Variants in CDH4 observed in about 807,000 individuals in gnomAD.
The protein encoded by CDH4 is cadherin 4.
CDH4 carries 33 observed loss-of-function variants against 86.0 expected under a neutral mutation model. The observed-to-expected ratio is 0.38, with a 90% CI of 0.29 to 0.51. The LOEUF (loss-of-function observed/expected upper bound fraction) is 0.51. Ranked by LOEUF, CDH4 falls within the 20% of genes least tolerant of loss-of-function variation. The pLI is 0.86. For missense variants in CDH4, 1,114 were observed against 1,307.4 expected (o/e 0.85, Z 2.28); for synonymous variants, 555 against 549.4 (o/e 1.01, Z -0.14).
chr20:61,613,600 A>G (rs1600807693), intron 2 of CDH4, among the ~76,000 whole-genome samples: 1 of 151,916 alleles, frequency 6.6e-6, no homozygotes, highest in South Asian at 2.1e-4. Flanking sequence ...TCAAAAGAAA[A>G]AAAAAAAAAA....
At chr20:61,775,388 A>G (rs1443191773) in intron 4 of CDH4, among the ~76,000 whole-genome samples, 1 of 151,694 alleles carries the variant, frequency 6.6e-6, no homozygotes, top group Non-Finnish European at 1.5e-5. Flanking sequence ...TGCCACCCCC[A>G]CATTGCCCCT....
intron 7 of CDH4, among the ~76,000 whole-genome samples, chr20:61,880,809 C>T (rs1984242444): frequency 1.3e-5 from 2 of 152,232 alleles, no homozygotes; most frequent in East Asian, 1.9e-4. Flanking sequence ...CGTGAGCTGG[C>T]GCCCACCACT....
intron 2 of CDH4, among the ~76,000 whole-genome samples, chr20:61,283,797 C>T (rs1477937413): frequency 1.3e-5 from 2 of 152,030 alleles, no homozygotes; most frequent in Non-Finnish European, 1.5e-5. Context: ...TGTTACGTGG[C>T]CCTGGATCCA....
chr20:61,382,658 G>A (rs1326420875), intron 2 of CDH4, among the ~76,000 whole-genome samples: 1 of 152,166 alleles, frequency 6.6e-6, no homozygotes, highest in Non-Finnish European at 1.5e-5. Flanking sequence ...GAAGCTTCCG[G>A]GGAGGCCCCT....
At chr20:61,677,344 G>T (rs549699979) in intron 2 of CDH4, among the ~76,000 whole-genome samples, 31 of 152,328 alleles carry the variant, frequency 2.0e-4, no homozygotes, top group African/African-American at 6.3e-4. Context: ...GGCAGCAAAC[G>T]TGCTCAACCC....
At chr20:61,404,735 T>C (rs1198984856) in intron 2 of CDH4, among the ~76,000 whole-genome samples, 1 of 152,096 alleles carries the variant, frequency 6.6e-6, no homozygotes, top group Admixed American at 6.5e-5. Context: ...TTTTTCTTTT[T>C]TTCCTAGGGA....
chr20:61,442,848 C>A (rs1316864050), intron 2 of CDH4, among the ~76,000 whole-genome samples: 3 of 152,236 alleles, frequency 2.0e-5, no homozygotes, highest in Non-Finnish European at 2.9e-5. Flanking sequence ...TTTCTGCAGT[C>A]CCCCGGCCTT....
chr20:61,868,995 C>T (rs1983677837), intron 6 of CDH4, among the ~76,000 whole-genome samples: 1 of 152,122 alleles, frequency 6.6e-6, no homozygotes, highest in Admixed American at 6.5e-5. Flanking sequence ...GGTGGACACA[C>T]ACAAAGCCTC....
chr20:61,461,079 T>C (rs1339070588), intron 2 of CDH4, among the ~76,000 whole-genome samples: 1 of 152,190 alleles, frequency 6.6e-6, no homozygotes, highest in Non-Finnish European at 1.5e-5. Context: ...TGGTTGCATT[T>C]GTAGAAACAC....
intron 2 of CDH4, among the ~76,000 whole-genome samples, chr20:61,442,966 T>G (rs924652220): frequency 2.6e-5 from 4 of 152,176 alleles, no homozygotes; most frequent in African/African-American, 9.7e-5. Context: ...GACCCCTAGG[T>G]GCACCCCTTC....
chr20:61,563,592 G>A (rs184096011), intron 2 of CDH4, among the ~76,000 whole-genome samples: 56 of 152,304 alleles, frequency 3.7e-4, no homozygotes, highest in Admixed American at 2.9e-3. Context: ...TCCACTACCC[G>A]TGGAGTCCAG....
At chr20:61,670,827 G>C (rs967823182) in intron 2 of CDH4, among the ~76,000 whole-genome samples, 11 of 152,196 alleles carry the variant, frequency 7.2e-5, no homozygotes, top group African/African-American at 2.7e-4. Flanking sequence ...TAGAAAGGAA[G>C]GAAGGGGCTG....
At chr20:61,677,173 C>G (rs1488610776) in intron 2 of CDH4, among the ~76,000 whole-genome samples, 1 of 152,106 alleles carries the variant, frequency 6.6e-6, no homozygotes, top group African/African-American at 2.4e-5. Context: ...CTGGGACTCC[C>G]CAGGGTGGAG....
intron 2 of CDH4, among the ~76,000 whole-genome samples, chr20:61,318,066 G>A (rs760827627): frequency 1.3e-5 from 2 of 152,154 alleles, no homozygotes; most frequent in Admixed American, 6.5e-5. Context: ...CCTGCTCTCC[G>A]TCCCGGCTGG....
chr20:61,802,660 G>A (rs368922087), intron 4 of CDH4, among the ~76,000 whole-genome samples: 8 of 152,238 alleles, frequency 5.3e-5, no homozygotes, highest in African/African-American at 1.7e-4. Flanking sequence ...CAGAATGGCT[G>A]CAAAGGAAAT....
In CDH4 at chr20:61,810,578, G is replaced by A. The variant is rs1382606822; in HGVS notation, c.577-34090G>A. The stretch of plus-strand genomic sequence containing the variant: ...CGAGAGAGCCCCAGCCCGTGTGCCC[G>A]CCTCACCCTGCCTCCTGCCTCCCGC... On this transcript the variant is annotated intron_variant, in intron 4 of 15. Coordinates refer to ENST00000614565, the MANE Select transcript of CDH4 (RefSeq NM_001794.5). This position sits in a 1 kb window ranked among gnomAD's most constrained non-coding sequence, Gnocchi z 4.3. Among the ~76,000 whole-genome samples, 2 of 152,042 alleles carry A rather than the reference G, an allele frequency of 1.3e-5. No individual in the cohort carries two copies. Among genetic ancestry groups the A allele is most frequent in the Non-Finnish European group, 2.9e-5 (2 of 68,002 alleles).
chr20:61,899,679 G>A (rs565350694), intron 8 of CDH4, among the ~76,000 whole-genome samples: 5 of 152,164 alleles, frequency 3.3e-5, no homozygotes, highest in East Asian at 1.9e-4. Context: ...CGCCCACCTC[G>A]GCCTCCCAAA....
chr20:61,556,252 CTTTGTCCT>C (rs2086176685), intron 2 of CDH4, among the ~76,000 whole-genome samples: 1 of 148,214 alleles, frequency 6.7e-6, no homozygotes, highest in Non-Finnish European at 1.5e-5. Context: ...CAAATGCAGG[CTTTGTCCT>C]CTTGTGAATT....
chr20:61,815,895 G>A lies in CDH4; in HGVS notation c.577-28773G>A, dbSNP rs553355341. 1.7e-4 allele frequency among the ~76,000 whole-genome samples: 26 copies of A among 152,286 alleles called. No individual in the cohort carries two copies. In the South Asian group the frequency reaches 2.3e-3, roughly 13 times the overall value. On this transcript the variant is annotated intron_variant, in intron 4 of 15. Transcript: ENST00000614565. Reference sequence around the variant, plus strand: ...TGTCCTTGGTTATCCTGGCTGCTCCGTGAGCCGCAATGCCCGCGTTCATTT... The same window carrying A: ...TGTCCTTGGTTATCCTGGCTGCTCCATGAGCCGCAATGCCCGCGTTCATTT...
Sources: allele counts gnomAD v4.1 joint callset (sites outside exome capture counted in the v4.1 genomes callset), GRCh38; gene constraint gnomAD v4.1.1; non-coding constraint Gnocchi (gnomAD v3.1); transcripts MANE v1.5; gene names NCBI Gene and HGNC (gene_info 2026-07-23, HGNC 2026-07-21).